COL4A3: variants seen among roughly 807,000 people sequenced by gnomAD.
COL4A3 encodes the protein collagen alpha-3(IV) chain.
A neutral mutation model predicts 217.4 loss-of-function variants in COL4A3; 135 were observed. That is an observed-to-expected ratio of 0.62 (90% CI 0.54 to 0.72). The LOEUF is 0.72. Among genes scored for constraint, COL4A3 ranks in the 30% least tolerant of loss-of-function variants. The probability of loss-of-function intolerance (pLI) is 0.00; values close to 1 mark genes in which losing one functional copy is unlikely to be tolerated. For missense variants in COL4A3, 1,868 were observed against 2,119.9 expected (o/e 0.88, Z 2.33); for synonymous variants, 690 against 736.3 (o/e 0.94, Z 1.02).
At chr2:227,267,226 C>T in intron 23 of COL4A3, 138 bp downstream of exon 23, 1 of 712,746 alleles carries the variant, frequency 1.4e-6, no homozygotes, top group East Asian at 2.8e-5. Flanking sequence ...AACATATATT[C>T]TATTAACATA....
intron 1 of COL4A3, among the ~76,000 whole-genome samples, chr2:227,214,728 G>A (rs564339758): frequency 6.6e-5 from 10 of 152,354 alleles, no homozygotes; most frequent in South Asian, 2.1e-4. Flanking sequence ...AAAGATTTGT[G>A]TGTGGAGAAC....
chr2:227,227,893 C>A (rs758302090), intron 1 of COL4A3: 8 of 147,332 alleles, frequency 5.4e-5, no homozygotes, highest in Non-Finnish European at 1.2e-4. Context: ...CATTCAAAAC[C>A]TTTTAGGGGG....
rs560237237 is a variant in COL4A3 at position 227,272,897 on chromosome 2, G to C, written c.1759-52G>C. ...ATATTTGGAGGATGATTAACCTGTT[G>C]TAAGAATATACTGGAATGAAGCACG... On this transcript the variant is annotated intron_variant, in intron 25 of 51. Coordinates refer to ENST00000396578, the MANE Select transcript of COL4A3 (RefSeq NM_000091.5). 8 of 1,580,540 alleles carry C rather than the reference G, an allele frequency of 5.1e-6. No homozygotes were observed. In the African/African-American group the frequency reaches 8.1e-5, roughly 16 times the overall value.
intron 1 of COL4A3, among the ~76,000 whole-genome samples, chr2:227,207,165 G>T (rs74757981): frequency 6.6e-6 from 1 of 152,024 alleles, no homozygotes; most frequent in African/African-American, 2.4e-5. Context: ...CTTTCCACTC[G>T]TCATCTCTTG....
chr2:227,303,486 A>G (rs1019711204), intron 44 of COL4A3, among the ~76,000 whole-genome samples: 38 of 152,240 alleles, frequency 2.5e-4, no homozygotes, highest in African/African-American at 8.9e-4. Flanking sequence ...ATGACAACCA[A>G]GCAATATAAT....
Position 227,284,287 on chromosome 2 carries a change from T to A in COL4A3, c.2823T>A (p.Asn941Lys), listed in dbSNP as rs1323214141. The A allele has an allele frequency of 3.7e-6, 6 of 1,613,862 alleles. No individual in the cohort carries two copies. Among genetic ancestry groups the A allele is most frequent in the African/African-American group, 1.3e-5 (1 of 74,880 alleles). ...GAKGEQGDKG[N>K]PGPSEISHVI... is the part of the protein sequence containing the mutation. ...AGGGGGAACAAGGAGATAAAGGAAA[T>A]CCCGGGCCTTCAGAGATATCCCACG... The change falls in exon 34 of 52, where the codon AAT (asparagine) becomes AAA (lysine). Residue 941 changes from asparagine (N) to lysine (K), a missense_variant. By Grantham distance (94) the Asn-to-Lys change is moderately conservative. Around this residue, in one of 2 missense-constraint regions of COL4A3, gnomAD observed 1,503 missense variants for 1,786.1 expected, o/e 0.84. Transcript: ENST00000396578.
chr2:227,311,213 G>A (rs1466705305), intron 51 of COL4A3, among the ~76,000 whole-genome samples: 1 of 152,194 alleles, frequency 6.6e-6, no homozygotes, highest in African/African-American at 2.4e-5. Flanking sequence ...AAGGGTGGGA[G>A]TAGTTTTTAT....
At chr2:227,302,442 C>T (rs564409334) in intron 43 of COL4A3, among the ~76,000 whole-genome samples, 1 of 151,874 alleles carries the variant, frequency 6.6e-6, no homozygotes, top group African/African-American at 2.4e-5. Context: ...TTTGGGAGGC[C>T]GAGGTGGGCA....
intron 50 of COL4A3, 102 bp from the exon 51 acceptor site, chr2:227,310,674 C>G (rs978646369): frequency 1.1e-6 from 1 of 932,990 alleles, no homozygotes; most frequent in Non-Finnish European, 1.7e-6. Context: ...CCTCCCCTTT[C>G]TTTACTCACA....
At chr2:227,181,456 A>G (rs2065865415) in intron 1 of COL4A3, among the ~76,000 whole-genome samples, 2 of 152,252 alleles carry the variant, frequency 1.3e-5, no homozygotes, top group African/African-American at 4.8e-5. Flanking sequence ...ATTGAACATA[A>G]CTATTCTTTA....
intron 39 of COL4A3, 68 bp downstream of exon 39, chr2:227,294,638 T>G: frequency 1.7e-6 from 2 of 1,201,862 alleles, no homozygotes; most frequent in Non-Finnish European, 2.5e-6. Context: ...AGGTTTGGAT[T>G]TCTGTAAACC....
In COL4A3 at chr2:227,282,461, GTCA is replaced by G. The variant is rs1462487925; in HGVS notation, c.2589_2591del (p.His863del). 1 of 1,613,862 alleles carries G rather than the reference GTCA, an allele frequency of 6.2e-7. No homozygotes were observed. The highest frequency in any genetic ancestry group is 1.7e-5 in the Admixed American group (1 of 59,994). On this transcript the variant is annotated inframe_deletion, in exon 32 of 52. Transcript: ENST00000396578. This position sits in a 1 kb window ranked among gnomAD's most constrained non-coding sequence, Gnocchi z 4.4. ...GAAACTGGATCACCAGGAATTCCAGGTCATCAAGGTGAAATGGGACCACTGGGT... is the reference window on the plus strand; with the variant it reads ...GAAACTGGATCACCAGGAATTCCAGGTCAAGGTGAAATGGGACCACTGGGT...
chr2:227,198,112 C>A lies in COL4A3; in HGVS notation c.87+33299C>A, dbSNP rs574251902. Reference sequence around the variant, plus strand: ...AGAGGCCCCGCTTGCCAGCTTGTTGCTCTAAGGACTGTTGCATTTTTCTCT... The same window carrying A: ...AGAGGCCCCGCTTGCCAGCTTGTTGATCTAAGGACTGTTGCATTTTTCTCT... On this transcript the variant is annotated intron_variant, in intron 1 of 51. Transcript: ENST00000396578. Among the ~76,000 whole-genome samples the A allele has an allele frequency of 6.6e-4, 101 of 152,334 alleles. 1 individual carries two copies. The highest frequency in any genetic ancestry group is 2.2e-3 in the African/African-American group (90 of 41,576).
At chr2:227,271,319 T>C (rs1170600090) in intron 25 of COL4A3, among the ~76,000 whole-genome samples, 1 of 152,118 alleles carries the variant, frequency 6.6e-6, no homozygotes, top group Non-Finnish European at 1.5e-5. Flanking sequence ...TAAAAATAAA[T>C]GCATAAGAAG....
chr2:227,196,349 G>C (rs1286834074), intron 1 of COL4A3, among the ~76,000 whole-genome samples: 4 of 150,174 alleles, frequency 2.7e-5, no homozygotes, highest in Non-Finnish European at 5.9e-5. Flanking sequence ...ACAGAGTCTT[G>C]CTCTGTCGCC....
At chr2:227,303,673 C>A (rs1318637764) in intron 44 of COL4A3, among the ~76,000 whole-genome samples, 186 bp from the exon 45 acceptor site, 1 of 152,244 alleles carries the variant, frequency 6.6e-6, no homozygotes, top group Non-Finnish European at 1.5e-5. Context: ...GCATGACCTA[C>A]TGGGTCCCAG....
intron 1 of COL4A3, among the ~76,000 whole-genome samples, chr2:227,222,174 T>TAATAAA (rs59035555): frequency 0.015 from 1,671 of 113,096 alleles, 27 homozygotes; most frequent in East Asian, 0.046. Flanking sequence ...ATGATAATGA[T>TAATAAA]AATAAAAAGC....
chr2:227,202,589 G>T (rs1669553438), intron 1 of COL4A3, among the ~76,000 whole-genome samples: 1 of 151,444 alleles, frequency 6.6e-6, no homozygotes, highest in South Asian at 2.1e-4. Flanking sequence ...CAAAAAATTA[G>T]CCGGGCGCGG....
chr2:227,230,351 T>G (rs778466096), intron 1 of COL4A3, among the ~76,000 whole-genome samples: 1 of 152,138 alleles, frequency 6.6e-6, no homozygotes, highest in Non-Finnish European at 1.5e-5. Context: ...CAGGAGGGGG[T>G]TTAAAAGCCA....
Sources: allele counts gnomAD v4.1 joint callset (sites outside exome capture counted in the v4.1 genomes callset), GRCh38; gene constraint gnomAD v4.1.1; regional missense constraint gnomAD v4.1.1; non-coding constraint Gnocchi (gnomAD v3.1); transcripts MANE v1.5; gene names NCBI Gene and HGNC (gene_info 2026-07-23, HGNC 2026-07-21).